Variants in TCERG1L observed in about 807,000 individuals in gnomAD.
TCERG1L encodes transcription elongation regulator 1 like.
A neutral mutation model predicts 56.3 loss-of-function variants in TCERG1L; 37 were observed. The ratio of observed to expected loss-of-function variants is 0.66; its 90% CI spans 0.51 to 0.87. TCERG1L has a LOEUF of 0.87. Among genes scored for constraint, TCERG1L ranks in the 40% least tolerant of loss-of-function variants. The pLI is 0.00. For missense variants in TCERG1L, 799 were observed against 774.2 expected, an observed-to-expected ratio of 1.03 and a Z score of -0.38; for synonymous variants, 324 against 326.3, an observed-to-expected ratio of 0.99 and a Z score of 0.08.
chr10:131,206,028 G>C (rs1845520949), intron 4 of TCERG1L, among the ~76,000 whole-genome samples: 1 of 152,242 alleles, frequency 6.6e-6, no homozygotes, highest in African/African-American at 2.4e-5. Flanking sequence ...TAGCTCTGTA[G>C]CTCCTTTGTC....
At chr10:131,241,647 G>A (rs11017834) in intron 4 of TCERG1L, among the ~76,000 whole-genome samples, 5,495 of 85,530 alleles carry the variant, frequency 0.064, 615 homozygotes, top group Middle Eastern at 0.11. Context: ...CAATATAAAA[G>A]CATAAGAGAG....
chr10:131,138,031 C>G (rs908064882), intron 7 of TCERG1L, among the ~76,000 whole-genome samples: 2 of 152,084 alleles, frequency 1.3e-5, no homozygotes, highest in Non-Finnish European at 2.9e-5. Context: ...CACTTTGGGA[C>G]GCAGAGGTGG....
intron 7 of TCERG1L, among the ~76,000 whole-genome samples, chr10:131,135,562 T>C (rs1845666159): frequency 6.6e-6 from 1 of 152,336 alleles, no homozygotes; most frequent in East Asian, 1.9e-4. Context: ...TTCTTTTCAA[T>C]GTGCAGCGTG....
At chr10:131,124,414 C>T (rs373996189) in intron 8 of TCERG1L, among the ~76,000 whole-genome samples, 15 of 152,322 alleles carry the variant, frequency 9.8e-5, no homozygotes, top group East Asian at 3.9e-4. Flanking sequence ...CCTTGCCCTT[C>T]GGAGCGATGC....
chr10:131,157,150 TGAATCAGCTTTGCCA>T (rs1845932394), intron 6 of TCERG1L, among the ~76,000 whole-genome samples: 1 of 152,172 alleles, frequency 6.6e-6, no homozygotes, highest in Non-Finnish European at 1.5e-5. Context: ...GGATAAAACG[TGAATCAGCTTTGCCA>T]GAAAATGGCG....
At chr10:131,166,915 T>C (rs753340756) in intron 4 of TCERG1L, 30 bp from the exon 5 acceptor site, 3 of 1,586,042 alleles carry the variant, frequency 1.9e-6, no homozygotes, top group East Asian at 4.5e-5. Context: ...GTCATTAACA[T>C]TTCATTTGTC....
chr10:131,191,637 A>G (rs1177824025), intron 4 of TCERG1L, among the ~76,000 whole-genome samples: 1 of 142,752 alleles, frequency 7.0e-6, no homozygotes, highest in Non-Finnish European at 1.5e-5. Flanking sequence ...TGCTGGGAAG[A>G]CTGGCAAGCC....
chr10:131,291,669 G>A (rs71478080), intron 3 of TCERG1L, among the ~76,000 whole-genome samples: 12,309 of 151,190 alleles, frequency 0.081, 640 homozygotes, highest in South Asian at 0.24. Context: ...CTCGTGATCC[G>A]CCCGTCTCGG....
chr10:131,218,122 A>C, intron 4 of TCERG1L, among the ~76,000 whole-genome samples: 1 of 151,878 alleles, frequency 6.6e-6, no homozygotes, highest in African/African-American at 2.4e-5. Flanking sequence ...GACACAGCCC[A>C]TTTTTTCCCA....
chr10:131,289,411 A>G (rs1446606648), intron 3 of TCERG1L, among the ~76,000 whole-genome samples: 2 of 152,232 alleles, frequency 1.3e-5, no homozygotes, highest in Non-Finnish European at 2.9e-5. Context: ...CACTTATCCC[A>G]GCATCCAGAA....
intron 6 of TCERG1L, among the ~76,000 whole-genome samples, chr10:131,157,083 T>C (rs1006074821): frequency 1.3e-5 from 2 of 152,182 alleles, no homozygotes; most frequent in African/African-American, 4.8e-5. Flanking sequence ...GAATGCACCG[T>C]ACTCATTTTG....
At chr10:131,135,643 T>G (rs1033377570) in intron 7 of TCERG1L, among the ~76,000 whole-genome samples, 1 of 152,210 alleles carries the variant, frequency 6.6e-6, no homozygotes, top group African/African-American at 2.4e-5. Flanking sequence ...GCATCATCCT[T>G]GTGGGGCCTC....
At chr10:131,171,819 C>T (rs969551423) in intron 4 of TCERG1L, among the ~76,000 whole-genome samples, 7 of 152,216 alleles carry the variant, frequency 4.6e-5, no homozygotes, top group African/African-American at 1.7e-4. Flanking sequence ...GATCCTCCTG[C>T]CTCGGCCTCC....
At chr10:131,104,225 G>T in intron 10 of TCERG1L, 40 bp downstream of exon 10, 1 of 1,358,904 alleles carries the variant, frequency 7.4e-7, no homozygotes, top group Non-Finnish European at 1.0e-6. Context: ...TCGCTTTCAT[G>T]CCATGTCTCT....
At chr10:131,227,713 G>C (rs78814514) in intron 4 of TCERG1L, among the ~76,000 whole-genome samples, 38 of 150,594 alleles carry the variant, frequency 2.5e-4, no homozygotes, top group African/African-American at 9.1e-4. Context: ...AATGAGTTAC[G>C]GACATGAGCA....
chr10:131,165,388 T>C (rs942417570), intron 5 of TCERG1L, among the ~76,000 whole-genome samples: 1 of 152,236 alleles, frequency 6.6e-6, no homozygotes, highest in African/African-American at 2.4e-5. Flanking sequence ...TCCTGACATT[T>C]TGGTATTTTA....
chr10:131,148,733 A>T (rs1845830691), intron 6 of TCERG1L, among the ~76,000 whole-genome samples: 1 of 151,584 alleles, frequency 6.6e-6, no homozygotes, highest in Non-Finnish European at 1.5e-5. Context: ...TGGAAAAGGC[A>T]GGAAATGGAC....
intron 4 of TCERG1L, among the ~76,000 whole-genome samples, chr10:131,239,393 T>TA (rs1845947653): frequency 6.6e-6 from 1 of 152,372 alleles, no homozygotes; most frequent in Non-Finnish European, 1.5e-5. Context: ...TCTTATCTCC[T>TA]AAAAATAAAG....
chr10:131,146,034 C>A (rs1018838406), intron 7 of TCERG1L, among the ~76,000 whole-genome samples: 1 of 152,208 alleles, frequency 6.6e-6, no homozygotes, highest in East Asian at 1.9e-4. Context: ...AAAATCTCTT[C>A]CCCTGTCCGT....
Sources: gnomAD v4.1 joint callset for allele counts (sites outside exome capture counted in the v4.1 genomes callset) on GRCh38, gnomAD v4.1.1 for gene constraint, MANE v1.5 for transcripts, NCBI Gene and HGNC (gene_info 2026-07-23, HGNC 2026-07-21) for gene names.